Variants in KAZN observed in about 807,000 individuals in gnomAD.
KAZN encodes kazrin.
KAZN carries 40 observed loss-of-function variants against 87.4 expected under a neutral mutation model. That is an observed-to-expected ratio of 0.46 (90% CI 0.36 to 0.60). The LOEUF (loss-of-function observed/expected upper bound fraction) is 0.60. KAZN is among the 20% of genes least tolerant of loss of function. KAZN has a pLI of 0.00. For missense variants in KAZN, 898 were observed against 1,073.9 expected (o/e 0.84, Z 2.29); for synonymous variants, 466 against 458.3 (o/e 1.02, Z -0.22).
chr1:14,772,525 G>GA (rs35991159), intron 1 of KAZN, among the ~76,000 whole-genome samples: 52 of 145,886 alleles, frequency 3.6e-4, no homozygotes, highest in African/African-American at 9.2e-4. Context: ...AATAGATTGA[G>GA]AAAAAAAAAA....
intron 2 of KAZN, among the ~76,000 whole-genome samples, chr1:14,993,224 C>T (rs1667527056): frequency 6.6e-6 from 1 of 150,938 alleles, no homozygotes; most frequent in African/African-American, 2.4e-5. Flanking sequence ...TCCCAGCACT[C>T]TGGGAGGCCA....
rs547383994 is a variant in KAZN at position 13,916,745 on chromosome 1, C to T, written c.91+22989C>T. 4.6e-5 allele frequency among the ~76,000 whole-genome samples: 7 copies of T among 152,154 alleles called. No individual in the cohort carries two copies. The South Asian group carries it at 6.2e-4, about 14-fold the overall frequency. On this transcript the variant is annotated intron_variant, in intron 1 of 16. Coordinates refer to the KAZN transcript ENST00000636203. ...TGATGGCTGAACTGAGATCTGCAGG[C>T]GAGGAAGATCCACCTGGGGAGCCAC...
At chr1:14,352,959 G>A (rs1000292589) in intron 2 of KAZN, among the ~76,000 whole-genome samples, 7 of 152,192 alleles carry the variant, frequency 4.6e-5, no homozygotes, top group African/African-American at 9.6e-5. Flanking sequence ...GGCATTTGCC[G>A]AAAATTTAGA....
intron 1 of KAZN, among the ~76,000 whole-genome samples, chr1:14,135,402 A>T (rs1645087260): frequency 6.6e-6 from 1 of 152,222 alleles, no homozygotes; most frequent in Admixed American, 6.5e-5. Flanking sequence ...AAAAGTTGAC[A>T]TTCTTCCTGG....
chr1:14,149,387 G>A (rs1645426274), intron 1 of KAZN, among the ~76,000 whole-genome samples: 1 of 151,910 alleles, frequency 6.6e-6, no homozygotes, highest in South Asian at 2.1e-4. Flanking sequence ...GATTACAGGC[G>A]TGAGCCACCA....
chr1:15,097,508 A>G (rs1458274934), intron 10 of KAZN, among the ~76,000 whole-genome samples: 2 of 152,180 alleles, frequency 1.3e-5, no homozygotes, highest in South Asian at 2.1e-4. Flanking sequence ...CAGGATAGAC[A>G]TGCTTACTCC....
intron 1 of KAZN, among the ~76,000 whole-genome samples, chr1:14,123,427 A>C (rs78603207): frequency 0.071 from 10,875 of 152,142 alleles, 482 homozygotes; most frequent in Middle Eastern, 0.12. Context: ...CCCTCCTAGC[A>C]TCTCTGTGAC....
chr1:14,496,047 A>G (rs752647079), intron 2 of KAZN, among the ~76,000 whole-genome samples: 33 of 152,234 alleles, frequency 2.2e-4, no homozygotes, highest in Non-Finnish European at 4.0e-4. Context: ...TTTATTAGAC[A>G]GGATTTTTCC....
intron 2 of KAZN, among the ~76,000 whole-genome samples, chr1:14,986,575 A>G (rs1217570581): frequency 6.6e-6 from 1 of 152,106 alleles, no homozygotes; most frequent in African/African-American, 2.4e-5. Flanking sequence ...GGGCTGTGAA[A>G]GGAGTGTGTG....
intron 1 of KAZN, among the ~76,000 whole-genome samples, chr1:14,669,618 G>A (rs1639793866): frequency 6.6e-6 from 1 of 152,080 alleles, no homozygotes; most frequent in Non-Finnish European, 1.5e-5. Context: ...ACAGTGGTGT[G>A]CACCTATAGT....
chr1:14,688,232 G>A (rs1282106009), intron 1 of KAZN, among the ~76,000 whole-genome samples: 2 of 152,222 alleles, frequency 1.3e-5, no homozygotes, highest in Non-Finnish European at 2.9e-5. Context: ...GGCCATGGAA[G>A]GGAAGATCCT....
chr1:14,717,801 A>C (rs936572816), intron 1 of KAZN, among the ~76,000 whole-genome samples: 2 of 152,190 alleles, frequency 1.3e-5, no homozygotes, highest in Admixed American at 6.5e-5. Context: ...CCTGGACCTC[A>C]CAGCTGGGCT....
At chr1:14,405,337 C>T (rs545059267) in intron 2 of KAZN, among the ~76,000 whole-genome samples, 2 of 152,292 alleles carry the variant, frequency 1.3e-5, no homozygotes, top group African/African-American at 4.8e-5. Context: ...GTATGATTTA[C>T]AAAGCATTGA....
Position 15,056,317 on chromosome 1 carries a change from G to A in KAZN, c.916+37G>A, listed in dbSNP as rs375634631. 167 of 1,557,664 alleles carry A rather than the reference G, an allele frequency of 1.1e-4. No individual in the cohort carries two copies. Among genetic ancestry groups the A allele is most frequent in the Non-Finnish European group, 1.3e-4 (154 of 1,144,626 alleles). On this transcript the variant is annotated intron_variant, in intron 5 of 14. Coordinates refer to ENST00000376030, the MANE Select transcript of KAZN (RefSeq NM_201628.3). The surrounding 1 kb of genome is among the most constrained non-coding windows in gnomAD (Gnocchi z 5.4). ...CCTGGCCTGGCTCCACCACGGCTTC[G>A]AGGGGCTTCACAGGAGGCCATCTGA...
intron 1 of KAZN, among the ~76,000 whole-genome samples, chr1:14,050,174 G>A (rs531879735): frequency 1.3e-5 from 2 of 151,818 alleles, no homozygotes; most frequent in South Asian, 2.1e-4. Context: ...GTGTGGGTGT[G>A]TGCGCACATG....
At chr1:14,802,541 C>T (rs1458770430) in intron 1 of KAZN, among the ~76,000 whole-genome samples, 1 of 152,100 alleles carries the variant, frequency 6.6e-6, no homozygotes, top group Non-Finnish European at 1.5e-5. Flanking sequence ...TGGAATGCTG[C>T]TCACTGTCCT....
At chr1:14,391,385 G>A (rs963829129) in intron 2 of KAZN, 1 of 152,276 alleles carries the variant, frequency 6.6e-6, no homozygotes, top group Non-Finnish European at 1.5e-5. Flanking sequence ...ACTTTCCCCA[G>A]GGTCACATAC....
At chr1:14,721,795 G>C (rs1643122998) in intron 1 of KAZN, among the ~76,000 whole-genome samples, 1 of 152,158 alleles carries the variant, frequency 6.6e-6, no homozygotes, top group South Asian at 2.1e-4. Flanking sequence ...CAACCCCTCA[G>C]CTCTTTGAAC....
chr1:14,660,745 C>G (rs185096617), intron 1 of KAZN, among the ~76,000 whole-genome samples: 12 of 152,210 alleles, frequency 7.9e-5, no homozygotes, highest in Admixed American at 7.2e-4. Flanking sequence ...ATCTCCACTC[C>G]CACTCCACAG....
Sources: gnomAD v4.1 joint callset for allele counts (sites outside exome capture counted in the v4.1 genomes callset) on GRCh38, gnomAD v4.1.1 for gene constraint, Gnocchi (gnomAD v3.1) non-coding constraint, MANE v1.5 for transcripts, NCBI Gene and HGNC (gene_info 2026-07-23, HGNC 2026-07-21) for gene names.